The following TSGA10 variants were observed in gnomAD, a reference collection of about 807,000 sequenced individuals.
TSGA10 encodes testis-specific gene 10 protein.
Under a neutral mutation model 96.6 loss-of-function variants are expected in TSGA10, and 43 were observed. That is an observed-to-expected ratio of 0.44 (90% CI 0.35 to 0.57). TSGA10 has a LOEUF of 0.57. TSGA10 is among the 20% of genes least tolerant of loss of function. The pLI is 0.01. For missense variants in TSGA10, 703 were observed against 834.4 expected (o/e 0.84, Z 1.94); for synonymous variants, 229 against 269.9 (o/e 0.85, Z 1.48).
chr2:99,105,415 T>C lies in TSGA10; in HGVS notation c.403A>G (p.Asn135Asp), dbSNP rs770912855. The change falls in exon 9 of 21, where the codon AAT becomes GAT. Residue 135 changes from asparagine (N) to aspartate (D), a missense_variant. Coordinates refer to ENST00000393483, the MANE Select transcript of TSGA10 (RefSeq NM_025244.4). ...CTTTGTTCCAGGTGAGCCTTCTCATTAAATGCTGTCTCTTGAGCAATCTGA... is the reference window on the plus strand; with the variant it reads ...CTTTGTTCCAGGTGAGCCTTCTCATCAAATGCTGTCTCTTGAGCAATCTGA... ...RLKIAQETAFNEKAHLEQRIE... is the reference protein window; with the variant it reads ...RLKIAQETAFDEKAHLEQRIE... 6.2e-7 allele frequency: 1 copy of C among 1,613,696 alleles called. No homozygotes were observed. Among genetic ancestry groups the C allele is most frequent in the Non-Finnish European group, 8.5e-7 (1 of 1,179,976 alleles).
chr2:99,073,274 TTAAAG>T (rs1348953123), intron 12 of TSGA10, among the ~76,000 whole-genome samples: 1 of 152,216 alleles, frequency 6.6e-6, no homozygotes, highest in African/African-American at 2.4e-5. Flanking sequence ...ATTATGTTCA[TTAAAG>T]TAAAGGCTAT....
intron 20 of TSGA10, among the ~76,000 whole-genome samples, chr2:99,009,317 G>A (rs1451744359): frequency 6.6e-6 from 1 of 150,676 alleles, no homozygotes; most frequent in East Asian, 2.0e-4. Flanking sequence ...TAAGAAGGAA[G>A]AACTGCAAAC....
intron 16 of TSGA10, among the ~76,000 whole-genome samples, chr2:99,050,014 C>A (rs1267060429): frequency 6.6e-6 from 1 of 152,066 alleles, no homozygotes; most frequent in Non-Finnish European, 1.5e-5. Flanking sequence ...TATAATTGTA[C>A]TATTGGTCCT....
chr2:99,153,499 G>A (rs545583520), intron 1 of TSGA10, among the ~76,000 whole-genome samples: 37 of 152,240 alleles, frequency 2.4e-4, no homozygotes, highest in African/African-American at 8.7e-4. Flanking sequence ...GAATAACCAA[G>A]GGACAGAAGT....
intron 16 of TSGA10, among the ~76,000 whole-genome samples, chr2:99,058,368 C>T (rs2084242264): frequency 6.6e-6 from 1 of 151,932 alleles, no homozygotes; most frequent in Non-Finnish European, 1.5e-5. Flanking sequence ...AAATACATAC[C>T]TTAAATGCTT....
At chr2:99,070,804 G>A (rs1214251448) in intron 14 of TSGA10, among the ~76,000 whole-genome samples, 1 of 151,984 alleles carries the variant, frequency 6.6e-6, no homozygotes, top group Non-Finnish European at 1.5e-5. Flanking sequence ...AAGTTGTGAA[G>A]ACATTATAAA....
intron 17 of TSGA10, among the ~76,000 whole-genome samples, chr2:99,029,551 A>T (rs1375024561): frequency 6.6e-6 from 1 of 152,210 alleles, no homozygotes; most frequent in Non-Finnish European, 1.5e-5. Context: ...TTCTTATTTA[A>T]AATTACCTGA....
chr2:99,078,595 C>A, intron 12 of TSGA10, 64 bp downstream of exon 12: 1 of 1,461,468 alleles, frequency 6.8e-7, no homozygotes, highest in Non-Finnish European at 9.3e-7. Flanking sequence ...TTCTTTTAAA[C>A]CATAGTTTAA....
chr2:99,043,614 A>G (rs975919189), intron 16 of TSGA10, among the ~76,000 whole-genome samples: 7 of 152,236 alleles, frequency 4.6e-5, no homozygotes, highest in East Asian at 1.9e-4. Flanking sequence ...AGCAAGGAAA[A>G]TATCTTGAAA....
chr2:98,997,997 C>G lies in TSGA10; in HGVS notation c.*200G>C, dbSNP rs1558666674. ...ACTATCACTGCATGGATAGAAAGAG[C>G]CATATACATTTTTGTTTTTATAAGT... On this transcript the variant is annotated 3_prime_UTR_variant, in exon 21 of 21. Transcript: ENST00000393483. 3.9e-6 allele frequency: 2 copies of G among 518,432 alleles called. No homozygotes were observed. Among genetic ancestry groups the G allele is most frequent in the East Asian group, 6.3e-5 (2 of 31,510 alleles). 32.1% of individuals were successfully genotyped at this position (518,432 alleles called of 1,614,324 possible).
intron 17 of TSGA10, among the ~76,000 whole-genome samples, chr2:99,033,428 T>G (rs1335035959): frequency 6.6e-6 from 1 of 152,228 alleles, no homozygotes; most frequent in Non-Finnish European, 1.5e-5. Flanking sequence ...ATGTCACCAC[T>G]GGAAGCACAT....
intron 1 of TSGA10, among the ~76,000 whole-genome samples, chr2:99,144,648 T>TCAAAAAA (rs1251722614): frequency 6.3e-5 from 1 of 15,760 alleles, no homozygotes; most frequent in Non-Finnish European, 1.7e-4. Context: ...AAACTCTGTC[T>TCAAAAAA]CAAAAAAAAA....
chr2:99,134,532 A>G (rs1432857575), intron 1 of TSGA10, among the ~76,000 whole-genome samples: 1 of 152,110 alleles, frequency 6.6e-6, no homozygotes. Flanking sequence ...ACATGCTCCT[A>G]TAGCTCAGAG....
Position 99,035,432 on chromosome 2 carries a change from T to C in TSGA10, c.1412A>G (p.Asn471Ser). 2 of 1,606,758 alleles carry C rather than the reference T, an allele frequency of 1.2e-6. No homozygotes were observed. Among genetic ancestry groups the C allele is most frequent in the Non-Finnish European group, 1.7e-6 (2 of 1,175,560 alleles). Residue 471 changes from asparagine (N) to serine (S), a missense_variant, in exon 17 of 21, where the codon AAT (asparagine) becomes AGT (serine). Coordinates refer to ENST00000393483, the MANE Select transcript of TSGA10 (RefSeq NM_025244.4). ...CTGGGACTTGTAAGACCTTTCTGCA[T>C]TTAAGTGCTGTAAGAATAAAATTAT... The part of the protein sequence containing the change: ...SLNREVEQHL[N>S]AERSYKSQIS...
At chr2:99,088,616 C>T (rs903145193) in intron 10 of TSGA10, among the ~76,000 whole-genome samples, 9 of 152,150 alleles carry the variant, frequency 5.9e-5, no homozygotes, top group African/African-American at 1.7e-4. Context: ...CACACAATCA[C>T]GTGGAAAACT....
intron 10 of TSGA10, among the ~76,000 whole-genome samples, chr2:99,092,499 GA>G (rs1188089853): frequency 6.6e-6 from 1 of 152,042 alleles, no homozygotes; most frequent in East Asian, 1.9e-4. Context: ...CCAGTTCTTT[GA>G]AAAGATAAGT....
intron 13 of TSGA10, among the ~76,000 whole-genome samples, chr2:99,072,617 C>T (rs764876309): frequency 6.6e-5 from 10 of 152,132 alleles, no homozygotes; most frequent in Non-Finnish European, 1.5e-4. Flanking sequence ...CAAAATTCTC[C>T]TCAGAATTCT....
At chr2:99,115,102 T>C (rs1284387506) in intron 4 of TSGA10, among the ~76,000 whole-genome samples, 3 of 152,072 alleles carry the variant, frequency 2.0e-5, no homozygotes, top group Non-Finnish European at 4.4e-5. Flanking sequence ...CCAGCTATTT[T>C]TTTGCATTTT....
At chr2:99,023,882 C>T (rs1370971879) in intron 17 of TSGA10, among the ~76,000 whole-genome samples, 1 of 152,150 alleles carries the variant, frequency 6.6e-6, no homozygotes, top group Non-Finnish European at 1.5e-5. Context: ...TTCACTTGCA[C>T]TTCCATATGA....
Sources: gnomAD v4.1 joint callset for allele counts (sites outside exome capture counted in the v4.1 genomes callset) on GRCh38, gnomAD v4.1.1 for gene constraint, MANE v1.5 for transcripts, NCBI Gene and HGNC (gene_info 2026-07-23, HGNC 2026-07-21) for gene names.